The following RBFA variants were observed in gnomAD, a reference collection of about 807,000 sequenced individuals.
RBFA encodes ribosome binding factor A.
RBFA carries 16 observed loss-of-function variants against 27.9 expected under a neutral mutation model. That is an observed-to-expected ratio of 0.57 (90% CI 0.39 to 0.87). RBFA has a LOEUF of 0.87. Ranked by LOEUF, RBFA falls within the 40% of genes least tolerant of loss-of-function variation. RBFA has a pLI of 0.00. For synonymous variants in RBFA, 181 were observed against 181.0 expected (o/e 1.00, Z 0.00); for missense variants, 456 against 432.1 (o/e 1.06, Z -0.49).
At position 80,047,928 on chromosome 18, in the gene RBFA, G is replaced by C. The variant is rs1054313787; in HGVS notation, c.*1773G>C. On this transcript the variant is annotated 3_prime_UTR_variant, in exon 7 of 7. Coordinates refer to ENST00000306735, the MANE Select transcript of RBFA (RefSeq NM_024805.3). Reference sequence around the variant, plus strand: ...CTCCCTGGCTTACAACAACCAGTTTGCCTCTTATTCTTCTAGGGGACCATC... The same window carrying C: ...CTCCCTGGCTTACAACAACCAGTTTCCCTCTTATTCTTCTAGGGGACCATC... 6.6e-6 allele frequency among the ~76,000 whole-genome samples: 1 copy of C among 152,196 alleles called. No individual in the cohort carries two copies.
chr18:80,042,312 A>C, intron 5 of RBFA, 93 bp downstream of exon 5: 6 of 679,112 alleles, frequency 8.8e-6, no homozygotes, highest in East Asian at 3.5e-5. Context: ...CTAGTCTTGA[A>C]CTCCTGGCCT....
rs1331563690 is a variant in RBFA at position 80,044,207 on chromosome 18, T to C, written c.577-5T>C. Reference sequence around the variant, plus strand: ...AACGGGTTTACCCTCTGTGTTCCTCTGTAGCTTGATCAGTTACTGGCAGTC... The same window carrying C: ...AACGGGTTTACCCTCTGTGTTCCTCCGTAGCTTGATCAGTTACTGGCAGTC... On this transcript the variant is annotated splice_polypyrimidine_tract_variant and splice_region_variant and intron_variant, in intron 5 of 6. Transcript: ENST00000306735. 3.7e-6 allele frequency: 6 copies of C among 1,613,762 alleles called. No individual in the cohort carries two copies. Among genetic ancestry groups the C allele is most frequent in the South Asian group, 1.1e-5 (1 of 91,086 alleles).
chr18:80,036,311 A>C (rs1490224019), intron 1 of RBFA, among the ~76,000 whole-genome samples: 1 of 152,162 alleles, frequency 6.6e-6, no homozygotes, highest in East Asian at 1.9e-4. Flanking sequence ...GTCTCAGTCT[A>C]TGCCTATAAC....
Position 80,044,133 on chromosome 18 carries a change from C to G in RBFA, c.577-79C>G, listed in dbSNP as rs182518078. On this transcript the variant is annotated intron_variant, in intron 5 of 6. Transcript: ENST00000306735. Reference sequence around the variant, plus strand: ...ATCAAAAGCTCTGCAGTCAACAATGCTGGTGTTACGTGGAGCCCGGCTGTA... The same window carrying G: ...ATCAAAAGCTCTGCAGTCAACAATGGTGGTGTTACGTGGAGCCCGGCTGTA... The G allele has an allele frequency of 1.2e-4, 136 of 1,154,864 alleles. 1 individual carries two copies. In the East Asian group the frequency reaches 3.1e-3, roughly 26 times the overall value. The allele number at this position is 1,154,864 out of a possible 1,614,324, so 71.5% of individuals were successfully genotyped here. A position where few individuals can be genotyped will look rare whatever the true frequency, so the allele number is the denominator to read the frequency against.
chr18:80,034,745 C>T, intron 1 of RBFA, 92 bp downstream of exon 1: 1 of 1,536,698 alleles, frequency 6.5e-7, no homozygotes, highest in South Asian at 1.2e-5. Flanking sequence ...GTTCTTGCGC[C>T]CATGCGGCCT....
In RBFA at chr18:80,047,274, C is replaced by T. The variant is rs1161086627; in HGVS notation, c.*1119C>T. 2 of 152,336 alleles carry T rather than the reference C, an allele frequency of 1.3e-5. No homozygotes were observed. Among genetic ancestry groups the T allele is most frequent in the African/African-American group, 4.8e-5 (2 of 41,456 alleles). The allele number at this position is 152,336 out of a possible 1,614,324, so 9.4% of individuals were successfully genotyped here. A position where few individuals can be genotyped will look rare whatever the true frequency, so the allele number is the denominator to read the frequency against. On this transcript the variant is annotated 3_prime_UTR_variant, in exon 7 of 7. Coordinates refer to ENST00000306735, the MANE Select transcript of RBFA (RefSeq NM_024805.3). ...TAGTTGCTGTGCCCTGCCACCTCCT[C>T]CCCAAAAAGGAGAAGTGTCCAAGGG... is the stretch of plus-strand genomic sequence containing the variant.
chr18:80,038,205 A>G (rs944905637), intron 3 of RBFA, among the ~76,000 whole-genome samples: 5 of 152,162 alleles, frequency 3.3e-5, no homozygotes, highest in Non-Finnish European at 4.4e-5. Context: ...AGCATTTTTG[A>G]TTAGTGTCTC....
rs544216223 is a variant in RBFA at position 80,045,542 on chromosome 18, T to C, written c.651-232T>C. 4.6e-5 allele frequency among the ~76,000 whole-genome samples: 7 copies of C among 152,216 alleles called. No homozygotes were observed. The East Asian group carries it at 1.4e-3, about 29-fold the overall frequency. The stretch of plus-strand genomic sequence containing the variant: ...GCCCGGCGCAAATGCATTTATTGCA[T>C]ACAGGACGGTGCACCTGGACTGTGC... On this transcript the variant is annotated intron_variant, in intron 6 of 6. Coordinates refer to ENST00000306735, the MANE Select transcript of RBFA (RefSeq NM_024805.3).
rs941818572 is a variant in RBFA at position 80,050,157 on chromosome 18, T to C, written c.*4002T>C. Among the ~76,000 whole-genome samples, 1 of 151,938 alleles carries C rather than the reference T, an allele frequency of 6.6e-6. No homozygotes were observed. Among genetic ancestry groups the C allele is most frequent in the Admixed American group, 6.6e-5 (1 of 15,254 alleles). ...TTGAAGGAGAGAGGGCTTGAGTGTA[T>C]TTTGGGGGAAGAATGAGGGGACAAC... On this transcript the variant is annotated 3_prime_UTR_variant, in exon 7 of 7. Coordinates refer to ENST00000306735, the MANE Select transcript of RBFA (RefSeq NM_024805.3).
Position 80,037,463 on chromosome 18 carries a change from A to G in RBFA, c.335A>G (p.Glu112Gly), listed in dbSNP as rs1440665325. 4 of 1,614,080 alleles carry G rather than the reference A, an allele frequency of 2.5e-6. No individual in the cohort carries two copies. Among genetic ancestry groups the G allele is most frequent in the Non-Finnish European group, 2.5e-6 (3 of 1,179,970 alleles). Residue 112 changes from glutamate to glycine, a missense_variant, in exon 3 of 7, where the codon GAA becomes GGA. Glu to Gly is a moderately conservative substitution (Grantham distance 98). Transcript: ENST00000306735. Reference protein sequence around the residue: ...KALTDLLCTPEVSQELYDLNV... With the variant: ...KALTDLLCTPGVSQELYDLNV... ...CTGACAGACCTGCTGTGTACCCCTG[A>G]AGTGAGTCAGGAGCTGTATGACCTT... is the stretch of plus-strand genomic sequence containing the variant.
At chr18:80,042,311 A>C in intron 5 of RBFA, 92 bp downstream of exon 5, 1 of 722,450 alleles carries the variant, frequency 1.4e-6, no homozygotes, top group African/African-American at 1.8e-5. Flanking sequence ...GCTAGTCTTG[A>C]ACTCCTGGCC....
At chr18:80,035,607 T>G (rs1199538046) in intron 1 of RBFA, 1 of 152,292 alleles carries the variant, frequency 6.6e-6, no homozygotes, top group African/African-American at 2.4e-5. Context: ...ATGAGGTGCT[T>G]GCCAGGTTTC....
At chr18:80,044,953 A>G (rs1189133918) in intron 6 of RBFA, among the ~76,000 whole-genome samples, 2 of 152,206 alleles carry the variant, frequency 1.3e-5, no homozygotes, top group Non-Finnish European at 2.9e-5. Flanking sequence ...GCTGGAAGCA[A>G]AGCTCCACGC....
chr18:80,034,633 G>T lies in RBFA; in HGVS notation c.138G>T (p.Lys46Asn). The change falls in exon 1 of 7, where the codon AAG becomes AAT. Residue 46 changes from lysine to asparagine, a missense_variant. Lys to Asn is a moderately conservative substitution (Grantham distance 94). Coordinates refer to ENST00000306735, the MANE Select transcript of RBFA (RefSeq NM_024805.3). ...CTGTCTCCTGCAAGAACTGGCTCAA[G>T]AAATTTGCCTCGAAAACCAAGTAAT... ...CSAVSCKNWLKKFASKTKKKV... is the reference protein window; with the variant it reads ...CSAVSCKNWLNKFASKTKKKV... 1 of 1,609,218 alleles carries T rather than the reference G, an allele frequency of 6.2e-7. No individual in the cohort carries two copies. The highest frequency in any genetic ancestry group is 1.1e-5 in the South Asian group (1 of 90,536).
Position 80,034,973 on chromosome 18 carries a change from TTC to T in RBFA, c.158+322_158+323del, listed in dbSNP as rs2051966665. 4.4e-5 allele frequency: 14 copies of T among 316,678 alleles called. No homozygotes were observed. In the South Asian group the frequency reaches 4.4e-4, roughly 10 times the overall value. The allele number at this position is 316,678 out of a possible 1,614,324, so 19.6% of individuals were successfully genotyped here. A position where few individuals can be genotyped will look rare whatever the true frequency, so the allele number is the denominator to read the frequency against. ...AAGAATTTCCTTGCTAATGTTGACT[TTC>T]TGTGTGAATTTGAAGACTAAAGCTT... On this transcript the variant is annotated intron_variant, in intron 1 of 6. Transcript: ENST00000306735.
chr18:80,043,181 A>T (rs2052028060), intron 5 of RBFA, among the ~76,000 whole-genome samples: 1 of 152,198 alleles, frequency 6.6e-6, no homozygotes. Flanking sequence ...AGTTATTAAG[A>T]TATGTTATAC....
Position 80,046,108 on chromosome 18 carries a change from G to T in RBFA, c.985G>T (p.Gly329Cys), listed in dbSNP as rs1248563444. 6.2e-7 allele frequency: 1 copy of T among 1,614,152 alleles called. No homozygotes were observed. Among genetic ancestry groups the T allele is most frequent in the South Asian group, 1.1e-5 (1 of 91,066 alleles). The stretch of plus-strand genomic sequence containing the variant: ...AGAGGAGTTGGAGGCAGAGAGAGGA[G>T]GTGGCAGAACAGAGGATGGCCACAG... ...DTEELEAERG[G>C]GRTEDGHSCG... Residue 329 changes from glycine to cysteine, a missense_variant, in exon 7 of 7, where the codon GGT (glycine) becomes TGT (cysteine). Gly to Cys is a radical substitution (Grantham distance 159, BLOSUM62 -3). Coordinates refer to ENST00000306735, the MANE Select transcript of RBFA (RefSeq NM_024805.3).
rs1227331762 is a variant in RBFA, at chr18:80,045,822, C to T, written c.699C>T (p.Ser233=). 4.6e-6 allele frequency: 7 copies of T among 1,532,320 alleles called. No individual in the cohort carries two copies. The highest frequency in any genetic ancestry group is 4.2e-5 in the Admixed American group (2 of 47,966). 94.9% of individuals were successfully genotyped at this position (1,532,320 alleles called of 1,614,324 possible). A position where few individuals can be genotyped will look rare whatever the true frequency, so the allele number is the denominator to read the frequency against. The change falls in exon 7 of 7, where the codon AGC becomes AGT. Residue 233 remains serine (S), a synonymous_variant. Transcript: ENST00000306735. ...QPCGTTEPTT[S]SSLCGIDHEA... is the part of the protein sequence containing the mutation. The stretch of plus-strand genomic sequence containing the variant: ...GCGGCACCACAGAGCCGACCACAAG[C>T]TCCAGTCTGTGTGGGATCGATCATG...
At chr18:80,038,432 C>T in intron 3 of RBFA, 73 bp from the exon 4 acceptor site, 1 of 1,062,014 alleles carries the variant, frequency 9.4e-7, no homozygotes, top group East Asian at 2.5e-5. Context: ...CTGTCGTTTT[C>T]ATCTCCTGGA....
Sources: allele counts gnomAD v4.1 joint callset (sites outside exome capture counted in the v4.1 genomes callset), GRCh38; gene constraint gnomAD v4.1.1; transcripts MANE v1.5; gene names NCBI Gene and HGNC (gene_info 2026-07-23, HGNC 2026-07-21).